The following HCN1 variants were observed in gnomAD, a reference collection of about 807,000 sequenced individuals.
HCN1 encodes potassium/sodium hyperpolarization-activated cyclic nucleotide-gated channel 1.
In HCN1, 13 loss-of-function variants were observed where a neutral mutation model predicts 78.9. That is an observed-to-expected ratio of 0.16 (90% confidence interval 0.11 to 0.26). The LOEUF (loss-of-function observed/expected upper bound fraction) is 0.26. HCN1 is among the 10% of genes least tolerant of loss of function. The pLI is 1.00. For missense variants in HCN1, 810 were observed against 1,154.3 expected (o/e 0.70, Z 4.32); for synonymous variants, 552 against 455.5 (o/e 1.21, Z -2.70).
intron 2 of HCN1, among the ~76,000 whole-genome samples, chr5:45,582,651 G>A (rs1234082249): frequency 2.6e-5 from 4 of 152,218 alleles, no homozygotes; most frequent in Non-Finnish European, 4.4e-5. Flanking sequence ...GATATTGGCT[G>A]TGGGTTTGTC....
intron 5 of HCN1, among the ~76,000 whole-genome samples, chr5:45,318,205 C>G (rs546879106): frequency 6.6e-6 from 1 of 152,048 alleles, no homozygotes; most frequent in African/African-American, 2.4e-5. Flanking sequence ...GAAAATGTGG[C>G]ACATATACAC....
Position 45,696,173 on chromosome 5 carries a change from T to G in HCN1, c.-80A>C. The stretch of plus-strand genomic sequence containing the variant: ...CGCCGGAGACACGTAGCCGAGAGGG[T>G]AGGGGCCCGAGCCGGCTGCCGGCGA... On this transcript the variant is annotated 5_prime_UTR_variant, in exon 1 of 8. Transcript: ENST00000303230. 1.1e-6 allele frequency: 1 copy of G among 931,714 alleles called. No individual in the cohort carries two copies. The highest frequency in any genetic ancestry group is 1.3e-6 in the Non-Finnish European group (1 of 748,230). The allele number at this position is 931,714 out of a possible 1,614,324, so 57.7% of individuals were successfully genotyped here. A position where few individuals can be genotyped will look rare whatever the true frequency, so the allele number is the denominator to read the frequency against.
intron 2 of HCN1, among the ~76,000 whole-genome samples, chr5:45,533,249 AT>A (rs1742896309): frequency 6.6e-6 from 1 of 152,186 alleles, no homozygotes. Context: ...AAAAGTAAAA[AT>A]TCTTACTTGT....
chr5:45,503,017 CAAAT>C (rs1295892264), intron 2 of HCN1, among the ~76,000 whole-genome samples: 3 of 152,068 alleles, frequency 2.0e-5, no homozygotes, highest in African/African-American at 4.8e-5. Context: ...AGTGAATAAA[CAAAT>C]AAATTAATGG....
At chr5:45,656,545 A>G (rs1021118713) in intron 1 of HCN1, among the ~76,000 whole-genome samples, 3 of 152,212 alleles carry the variant, frequency 2.0e-5, no homozygotes, top group African/African-American at 4.8e-5. Context: ...GTGGAGATAA[A>G]CGGATTAAAT....
chr5:45,325,377 T>A (rs1269886405), intron 5 of HCN1, among the ~76,000 whole-genome samples: 2 of 151,666 alleles, frequency 1.3e-5, no homozygotes, highest in East Asian at 3.9e-4. Flanking sequence ...GAAACCTACA[T>A]CTAATTGAGA....
intron 5 of HCN1, among the ~76,000 whole-genome samples, chr5:45,317,548 G>T (rs1746020689): frequency 6.6e-6 from 1 of 152,242 alleles, no homozygotes. Flanking sequence ...GGCAACAAAA[G>T]CCACAATTGA....
intron 2 of HCN1, among the ~76,000 whole-genome samples, chr5:45,531,520 G>A (rs976539831): frequency 2.0e-5 from 3 of 152,102 alleles, no homozygotes; most frequent in African/African-American, 7.2e-5. Flanking sequence ...GTTGTCCTCA[G>A]AATACAATTC....
At chr5:45,575,743 T>C (rs1323586519) in intron 2 of HCN1, 1 of 152,104 alleles carries the variant, frequency 6.6e-6, no homozygotes, top group East Asian at 1.9e-4. Context: ...TCACTGCTCA[T>C]TGACAATGCA....
intron 3 of HCN1, among the ~76,000 whole-genome samples, chr5:45,434,313 T>C (rs538920896): frequency 1.3e-4 from 20 of 152,338 alleles, no homozygotes; most frequent in Admixed American, 5.2e-4. Flanking sequence ...ACACTTGTGG[T>C]CTGTCCTTTA....
At chr5:45,659,348 T>A in intron 1 of HCN1, among the ~76,000 whole-genome samples, 1 of 115,748 alleles carries the variant, frequency 8.6e-6, no homozygotes, top group Non-Finnish European at 1.7e-5. Context: ...ACCACAAAGA[T>A]GGGGAAAAAA....
intron 2 of HCN1, among the ~76,000 whole-genome samples, chr5:45,566,082 C>T (rs1359378095): frequency 1.3e-5 from 2 of 152,132 alleles, no homozygotes; most frequent in Non-Finnish European, 2.9e-5. Context: ...CAATATCATT[C>T]TCTCTCCAAC....
At chr5:45,583,495 T>C (rs1022125411) in intron 2 of HCN1, among the ~76,000 whole-genome samples, 16 of 152,160 alleles carry the variant, frequency 1.1e-4, no homozygotes, top group African/African-American at 3.9e-4. Context: ...TTGATTGAGT[T>C]TTTGAAGGGT....
intron 1 of HCN1, among the ~76,000 whole-genome samples, chr5:45,664,986 A>G (rs1165654509): frequency 6.6e-6 from 1 of 151,728 alleles, no homozygotes; most frequent in Non-Finnish European, 1.5e-5. Context: ...GCTGCTATAA[A>G]GACACATGCA....
chr5:45,621,250 C>A (rs1470989046), intron 2 of HCN1, among the ~76,000 whole-genome samples: 2 of 152,002 alleles, frequency 1.3e-5, no homozygotes, highest in African/African-American at 2.4e-5. Flanking sequence ...ATCTTTATTC[C>A]AGAAACTGGA....
intron 2 of HCN1, among the ~76,000 whole-genome samples, chr5:45,499,050 G>C (rs1742126222): frequency 6.6e-6 from 1 of 152,126 alleles, no homozygotes; most frequent in African/African-American, 2.4e-5. Context: ...TCTGTGCCCT[G>C]CCCCCAGAGG....
At chr5:45,348,334 G>A (rs1028015577) in intron 5 of HCN1, among the ~76,000 whole-genome samples, 2 of 152,014 alleles carry the variant, frequency 1.3e-5, no homozygotes, top group Non-Finnish European at 1.5e-5. Context: ...TTTGTCACCA[G>A]CAGGCCTGCC....
At chr5:45,693,319 C>CTATTAAGACTGGAG (rs1329457883) in intron 1 of HCN1, among the ~76,000 whole-genome samples, 2 of 151,766 alleles carry the variant, frequency 1.3e-5, no homozygotes, top group African/African-American at 4.9e-5. Context: ...ATTATTTTTG[C>CTATTAAGACTGGAG]AGTTTGTTTT....
intron 2 of HCN1, among the ~76,000 whole-genome samples, chr5:45,526,981 G>A (rs1742749079): frequency 7.1e-6 from 1 of 141,420 alleles, no homozygotes; most frequent in Non-Finnish European, 1.6e-5. Flanking sequence ...TTGGGTTTCA[G>A]TCGTCTATCA....
Sources: allele counts gnomAD v4.1 joint callset (sites outside exome capture counted in the v4.1 genomes callset), GRCh38; gene constraint gnomAD v4.1.1; transcripts MANE v1.5; gene names NCBI Gene and HGNC (gene_info 2026-07-23, HGNC 2026-07-21).